Variants in PCSK5 observed in about 807,000 individuals in gnomAD.
PCSK5 encodes proprotein convertase subtilisin/kexin type 5.
PCSK5 carries 129 observed loss-of-function variants against 233.2 expected under a neutral mutation model. That is an observed-to-expected ratio of 0.55 (90% CI 0.48 to 0.64). The LOEUF is 0.64. Ranked by LOEUF, PCSK5 falls within the 30% of genes least tolerant of loss-of-function variation. The pLI is 0.00. For missense variants in PCSK5, 2,076 were observed against 2,430.1 expected, an observed-to-expected ratio of 0.85 and a Z score of 3.06; for synonymous variants, 825 against 879.2, an observed-to-expected ratio of 0.94 and a Z score of 1.09.
At chr9:76,110,846 C>T (rs1246018479) in intron 9 of PCSK5, among the ~76,000 whole-genome samples, 4 of 152,262 alleles carry the variant, frequency 2.6e-5, no homozygotes, top group East Asian at 1.9e-4. Flanking sequence ...CAGTGGCTCA[C>T]GCCTATAATC....
At chr9:76,054,214 GT>G (rs1397358917) in intron 5 of PCSK5, among the ~76,000 whole-genome samples, 1 of 152,138 alleles carries the variant, frequency 6.6e-6, no homozygotes, top group Non-Finnish European at 1.5e-5. Flanking sequence ...GGGAGCTACA[GT>G]TCAAGATGAG....
At chr9:75,895,598 A>T (rs943212045) in intron 1 of PCSK5, among the ~76,000 whole-genome samples, 1 of 152,226 alleles carries the variant, frequency 6.6e-6, no homozygotes, top group African/African-American at 2.4e-5. Flanking sequence ...TTGATTTCCC[A>T]TGGCAGGGCC....
intron 1 of PCSK5, among the ~76,000 whole-genome samples, chr9:75,930,518 C>G (rs1823738196): frequency 6.6e-6 from 1 of 152,092 alleles, no homozygotes; most frequent in South Asian, 2.1e-4. Context: ...CTTTTAAAAA[C>G]TATATTATGA....
chr9:76,030,616 C>G (rs533174928), intron 5 of PCSK5, among the ~76,000 whole-genome samples: 17 of 151,910 alleles, frequency 1.1e-4, no homozygotes, highest in Non-Finnish European at 2.4e-4. Context: ...AGTTAAAAAC[C>G]TTTTTATATT....
chr9:76,055,156 T>C (rs767489975), intron 5 of PCSK5, among the ~76,000 whole-genome samples: 25 of 152,140 alleles, frequency 1.6e-4, no homozygotes, highest in Non-Finnish European at 3.1e-4. Context: ...AATTTAAAAG[T>C]TCATGCTTAA....
chr9:75,899,072 T>G (rs1247710012), intron 1 of PCSK5, among the ~76,000 whole-genome samples: 2 of 152,186 alleles, frequency 1.3e-5, no homozygotes, highest in African/African-American at 4.8e-5. Flanking sequence ...TGGAAAGATT[T>G]GGAAGTTCTT....
chr9:76,320,216 G>T (rs1678562501), intron 30 of PCSK5, among the ~76,000 whole-genome samples: 1 of 151,906 alleles, frequency 6.6e-6, no homozygotes. Flanking sequence ...CCGTAGGCTG[G>T]ACCCTACAGA....
At chr9:75,901,877 T>C (rs1287944338) in intron 1 of PCSK5, among the ~76,000 whole-genome samples, 4 of 152,184 alleles carry the variant, frequency 2.6e-5, no homozygotes, top group Non-Finnish European at 5.9e-5. Flanking sequence ...CAGTCTGTAT[T>C]GTTTTGTGCC....
chr9:76,174,930 A>G, intron 13 of PCSK5, 56 bp from the exon 14 acceptor site: 6 of 1,499,990 alleles, frequency 4.0e-6, no homozygotes, highest in Non-Finnish European at 5.4e-6. Flanking sequence ...TAAAGATGTT[A>G]CAGAGCTAAA....
chr9:75,943,627 T>G (rs1824421198), intron 2 of PCSK5, among the ~76,000 whole-genome samples: 1 of 152,208 alleles, frequency 6.6e-6, no homozygotes. Context: ...GGAAAGAACC[T>G]TTGTATTGTA....
At position 76,321,578 on chromosome 9, in the gene PCSK5, G is replaced by A; in HGVS notation, c.4041G>A (p.Lys1347=). The change falls in exon 31 of 38, where the codon AAG becomes AAA. Residue 1347 remains lysine, a synonymous_variant. Coordinates refer to ENST00000674117, the MANE Select transcript of PCSK5 (RefSeq NM_001372043.1). ...ENCPERHVAV[K]GVCKHCPEMC... ...GCCCCGAGAGGCACGTGGCTGTGAAGGGGGTATGCAAGCATTGCCCAGAGA... is the reference window on the plus strand; with the variant it reads ...GCCCCGAGAGGCACGTGGCTGTGAAAGGGGTATGCAAGCATTGCCCAGAGA... The A allele has an allele frequency of 6.2e-7, 1 of 1,612,700 alleles. No individual in the cohort carries two copies.
chr9:75,921,566 T>G (rs1008196078), intron 1 of PCSK5, among the ~76,000 whole-genome samples: 1 of 149,028 alleles, frequency 6.7e-6, no homozygotes, highest in African/African-American at 2.5e-5. Flanking sequence ...TCTATTTCGT[T>G]TGTGTGTGTG....
chr9:76,097,242 A>ATTTTTTT (rs1831562080), intron 8 of PCSK5, among the ~76,000 whole-genome samples: 2 of 56,770 alleles, frequency 3.5e-5, no homozygotes, highest in African/African-American at 1.5e-4. Flanking sequence ...CAAAAAGTGC[A>ATTTTTTT]TTTCTTTTTT....
chr9:76,167,541 A>G (rs2131837691), intron 12 of PCSK5, among the ~76,000 whole-genome samples: 1 of 152,334 alleles, frequency 6.6e-6, no homozygotes, highest in Admixed American at 6.5e-5. Flanking sequence ...GCAAAGTGTT[A>G]GCCATTTACC....
At chr9:76,030,446 T>C (rs1243232528) in intron 5 of PCSK5, among the ~76,000 whole-genome samples, 1 of 152,132 alleles carries the variant, frequency 6.6e-6, no homozygotes, top group African/African-American at 2.4e-5. Context: ...AAAGACACAA[T>C]TGACAAGGAA....
chr9:76,214,323 C>T (rs1489877253), intron 20 of PCSK5, among the ~76,000 whole-genome samples: 2 of 152,160 alleles, frequency 1.3e-5, no homozygotes, highest in African/African-American at 2.4e-5. Context: ...CACACACACA[C>T]ATATGTGTGT....
intron 24 of PCSK5, among the ~76,000 whole-genome samples, chr9:76,279,932 T>C (rs1228076888): frequency 1.3e-5 from 2 of 152,044 alleles, no homozygotes; most frequent in East Asian, 3.9e-4. Context: ...ATCCCATTTG[T>C]CAATTTTGTC....
At chr9:76,003,480 A>G (rs1405827416) in intron 3 of PCSK5, among the ~76,000 whole-genome samples, 1 of 152,230 alleles carries the variant, frequency 6.6e-6, no homozygotes, top group African/African-American at 2.4e-5. Context: ...TAATGAACAC[A>G]TATTAATACC....
intron 11 of PCSK5, among the ~76,000 whole-genome samples, chr9:76,158,600 A>G (rs1230928138): frequency 6.6e-6 from 1 of 152,162 alleles, no homozygotes; most frequent in East Asian, 1.9e-4. Context: ...CTCACAGTGT[A>G]TTCCATAGAT....
Sources: gnomAD v4.1 joint callset for allele counts (sites outside exome capture counted in the v4.1 genomes callset) on GRCh38, gnomAD v4.1.1 for gene constraint, MANE v1.5 for transcripts, NCBI Gene and HGNC (gene_info 2026-07-23, HGNC 2026-07-21) for gene names.